The following CD2AP variants were observed in gnomAD, a reference collection of about 807,000 sequenced individuals.
CD2AP encodes the protein CD2 associated protein.
Under a neutral mutation model 85.1 loss-of-function variants are expected in CD2AP, and 46 were observed. The observed-to-expected ratio is 0.54, with a 90% confidence interval of 0.43 to 0.69. CD2AP has a LOEUF of 0.69. Among genes scored for constraint, CD2AP ranks in the 30% least tolerant of loss-of-function variants. The pLI is 0.00. For synonymous variants in CD2AP, 255 were observed against 252.9 expected, an observed-to-expected ratio of 1.01 and a Z score of -0.08; for missense variants, 769 against 729.5, an observed-to-expected ratio of 1.05 and a Z score of -0.62.
At chr6:47,612,101 G>A (rs1769459813) in intron 16 of CD2AP, among the ~76,000 whole-genome samples, 1 of 152,072 alleles carries the variant, frequency 6.6e-6, no homozygotes, top group African/African-American at 2.4e-5. Context: ...CTGTTAACTT[G>A]CCTTGTATTG....
intron 5 of CD2AP, among the ~76,000 whole-genome samples, chr6:47,561,867 G>A (rs1329699980): frequency 6.6e-6 from 1 of 152,060 alleles, no homozygotes; most frequent in Admixed American, 6.6e-5. Flanking sequence ...TGCAACCTCC[G>A]CCTCCCGGGT....
At chr6:47,549,543 A>T (rs1325905198) in intron 4 of CD2AP, among the ~76,000 whole-genome samples, 11 of 151,986 alleles carry the variant, frequency 7.2e-5, no homozygotes, top group Non-Finnish European at 1.5e-5. Context: ...AAACTACAAA[A>T]ACCTGCTGAA....
chr6:47,503,780 A>G (rs558956120), intron 2 of CD2AP, among the ~76,000 whole-genome samples: 38 of 152,334 alleles, frequency 2.5e-4, no homozygotes, highest in African/African-American at 8.7e-4. Context: ...ATTTGAGCCT[A>G]CAGTATACTT....
chr6:47,610,971 A>ATATATATATATATATATATATTTTTTT, intron 16 of CD2AP, among the ~76,000 whole-genome samples: 37 of 112,864 alleles, frequency 3.3e-4, no homozygotes, highest in African/African-American at 1.1e-3. Flanking sequence ...ATATATATGT[A>ATATATATATATATATATATATTTTTTT]TTTTTTTTTT....
intron 1 of CD2AP, among the ~76,000 whole-genome samples, chr6:47,502,353 C>G (rs1279821813): frequency 6.6e-6 from 1 of 152,072 alleles, no homozygotes; most frequent in African/African-American, 2.4e-5. Flanking sequence ...GCTAGGCTCA[C>G]CAATGCCTTG....
intron 2 of CD2AP, among the ~76,000 whole-genome samples, chr6:47,516,419 G>A (rs961784986): frequency 1.3e-5 from 2 of 152,220 alleles, no homozygotes; most frequent in Non-Finnish European, 1.5e-5. Context: ...TAGCAATGAT[G>A]TGGTCATGTG....
At chr6:47,490,667 TTTGA>T (rs1440921228) in intron 1 of CD2AP, among the ~76,000 whole-genome samples, 1 of 152,178 alleles carries the variant, frequency 6.6e-6, no homozygotes, top group Non-Finnish European at 1.5e-5. Context: ...TTTTTTAAAC[TTTGA>T]TTAAGTTTTT....
intron 13 of CD2AP, among the ~76,000 whole-genome samples, chr6:47,605,844 A>G (rs1244733199): frequency 6.6e-6 from 1 of 151,974 alleles, no homozygotes; most frequent in Non-Finnish European, 1.5e-5. Context: ...TGAGTTTTTT[A>G]TGCTACTACA....
intron 3 of CD2AP, among the ~76,000 whole-genome samples, chr6:47,541,805 C>G (rs1767223272): frequency 1.3e-5 from 2 of 152,196 alleles, no homozygotes; most frequent in Admixed American, 1.3e-4. Context: ...TGTACAAGAA[C>G]ATAAGTCTTC....
intron 4 of CD2AP, among the ~76,000 whole-genome samples, chr6:47,549,460 C>CAAAAAAAAAAAAA (rs67626138): frequency 3.6e-5 from 4 of 110,712 alleles, no homozygotes; most frequent in Non-Finnish European, 7.2e-5. Context: ...ACAATAGCTG[C>CAAAAAAAAAAAAA]AAAAAAAAAA....
chr6:47,535,806 C>T (rs756106744), intron 3 of CD2AP, among the ~76,000 whole-genome samples: 6 of 152,048 alleles, frequency 3.9e-5, no homozygotes, highest in Non-Finnish European at 8.8e-5. Context: ...TTTAGGCCCA[C>T]GGGAGGTTTT....
intron 5 of CD2AP, among the ~76,000 whole-genome samples, chr6:47,572,352 A>G (rs1768180372): frequency 6.6e-6 from 1 of 152,228 alleles, no homozygotes; most frequent in South Asian, 2.1e-4. Flanking sequence ...TTTGTCAAAC[A>G]TTACTGAAAT....
intron 17 of CD2AP, among the ~76,000 whole-genome samples, chr6:47,618,315 C>T (rs1194851028): frequency 6.6e-6 from 1 of 151,272 alleles, no homozygotes; most frequent in Non-Finnish European, 1.5e-5. Flanking sequence ...ACGAGACTGT[C>T]TCAAAAAAAA....
intron 3 of CD2AP, among the ~76,000 whole-genome samples, chr6:47,533,971 G>A (rs1766961539): frequency 2.0e-5 from 3 of 152,176 alleles, no homozygotes; most frequent in Admixed American, 2.0e-4. Flanking sequence ...ATTAAAGCAT[G>A]AGGCTCTGTT....
At chr6:47,512,392 T>A (rs2113994894) in intron 2 of CD2AP, among the ~76,000 whole-genome samples, 1 of 152,250 alleles carries the variant, frequency 6.6e-6, no homozygotes, top group Non-Finnish European at 1.5e-5. Flanking sequence ...TCTGTGAATA[T>A]GGAGTGTGGA....
chr6:47,589,377 T>TACACACACACACACAC (rs1430564786), intron 11 of CD2AP, among the ~76,000 whole-genome samples: 5 of 3,496 alleles, frequency 1.4e-3, no homozygotes, highest in Admixed American at 6.5e-3. Flanking sequence ...AACTCTTGAA[T>TACACACACACACACAC]ATACACACAC....
chr6:47,569,800 A>C (rs1404483979), intron 5 of CD2AP, among the ~76,000 whole-genome samples: 1 of 152,138 alleles, frequency 6.6e-6, no homozygotes, highest in African/African-American at 2.4e-5. Flanking sequence ...ACCAGGAGTC[A>C]AGGTATTATA....
Position 47,609,305 on chromosome 6 carries a change from G to A in CD2AP, c.1814+1G>A. 6.2e-7 allele frequency: 1 copy of A among 1,609,694 alleles called. No individual in the cohort carries two copies. Among genetic ancestry groups the A allele is most frequent in the Non-Finnish European group, 8.5e-7 (1 of 1,176,490 alleles). ...TAGAAGCACTGAAAAAGGATCACGG[G>A]TAAGTAGCCCTTCTTTTCTCCTGTG... On this transcript the variant is annotated splice_donor_variant, in intron 16 of 17. Transcript: ENST00000359314. LOFTEE classifies it high-confidence loss of function.
chr6:47,603,461 G>A (rs1769195802), intron 13 of CD2AP, among the ~76,000 whole-genome samples: 1 of 151,960 alleles, frequency 6.6e-6, no homozygotes, highest in Non-Finnish European at 1.5e-5. Flanking sequence ...GCCTCTTAAA[G>A]CACCAAGCCA....
Sources: gnomAD v4.1 joint callset for allele counts (sites outside exome capture counted in the v4.1 genomes callset) on GRCh38, gnomAD v4.1.1 for gene constraint, MANE v1.5 for transcripts, NCBI Gene and HGNC (gene_info 2026-07-23, HGNC 2026-07-21) for gene names.